Variants in PLB1 observed in about 807,000 individuals in gnomAD.
PLB1 encodes phospholipase B1.
Under a neutral mutation model 227.4 loss-of-function variants are expected in PLB1, and 242 were observed. That is an observed-to-expected ratio of 1.06 (90% CI 0.96 to 1.18). PLB1 has a LOEUF of 1.18. Among genes scored for constraint, PLB1 ranks in the 50% most tolerant of loss-of-function variants. PLB1 has a pLI of 0.00. For synonymous variants in PLB1, 757 were observed against 682.2 expected (o/e 1.11, Z -1.71); for missense variants, 1,858 against 1,816.3 (o/e 1.02, Z -0.42).
rs746205635 is a variant in PLB1, at chr2:28,549,412, C to CTTTTTTTTTTTTTT, written c.1008+490_1008+503dup. Among the ~76,000 whole-genome samples the CTTTTTTTTTTTTTT allele has an allele frequency of 2.0e-3, 177 of 87,298 alleles. 35 individuals carry two copies. The highest frequency in any genetic ancestry group is 6.4e-3 in the African/African-American group (140 of 21,878). 57.3% of individuals were successfully genotyped at this position (87,298 alleles called of 152,430 possible). A position where few individuals can be genotyped will look rare whatever the true frequency, so the allele number is the denominator to read the frequency against. ...TGGACATAAATGAATGAGATTCTTTCTTTTTTTTTTTTTTTTTTTTTTGAG... is the reference window on the plus strand; with the variant it reads ...TGGACATAAATGAATGAGATTCTTTCTTTTTTTTTTTTTTTTTTTTTTTTTTTTTTTTTTTTGAG... On this transcript the variant is annotated intron_variant, in intron 15 of 57. Transcript: ENST00000327757.
intron 6 of PLB1, 146 bp from the exon 7 acceptor site, chr2:28,529,171 T>G: frequency 1.6e-6 from 1 of 614,772 alleles, no homozygotes; most frequent in Admixed American, 2.9e-5. Context: ...TCTCAAACTC[T>G]TGGGCTCAAG....
Position 28,582,388 on chromosome 2 carries a change from A to C in PLB1, c.1633-17A>C. The C allele has an allele frequency of 6.2e-7, 1 of 1,607,406 alleles. No individual in the cohort carries two copies. The highest frequency in any genetic ancestry group is 1.1e-5 in the South Asian group (1 of 90,048). On this transcript the variant is annotated splice_polypyrimidine_tract_variant and intron_variant, in intron 24 of 57. Transcript: ENST00000327757. ...CCCAGCCTCATCCTCTTGGTGACTG[A>C]GTTTGCCTTTTCTCAGGTTCCTCGG...
At chr2:28,638,644 T>A (rs925735513) in intron 56 of PLB1, among the ~76,000 whole-genome samples, 2 of 151,524 alleles carry the variant, frequency 1.3e-5, no homozygotes, top group African/African-American at 4.9e-5. Flanking sequence ...AAAGGATGAC[T>A]TTTTGGTTTG....
At chr2:28,500,361 C>G (rs1179443607) in intron 1 of PLB1, among the ~76,000 whole-genome samples, 1 of 152,162 alleles carries the variant, frequency 6.6e-6, no homozygotes, top group African/African-American at 2.4e-5. Context: ...GGTGTGGCTG[C>G]CTGACTTTTT....
intron 49 of PLB1, among the ~76,000 whole-genome samples, chr2:28,622,492 A>G (rs934339913): frequency 6.6e-6 from 1 of 152,258 alleles, no homozygotes; most frequent in African/African-American, 2.4e-5. Context: ...CCATTTAATA[A>G]TGGATCTTCA....
intron 4 of PLB1, 132 bp downstream of exon 4, chr2:28,519,895 G>A (rs1001217909): frequency 1.6e-5 from 7 of 446,844 alleles, no homozygotes; most frequent in African/African-American, 1.4e-4. Flanking sequence ...AATCCAGGAG[G>A]TTGAATCTTT....
At chr2:28,584,520 C>A (rs1462783031) in intron 25 of PLB1, among the ~76,000 whole-genome samples, 1 of 152,226 alleles carries the variant, frequency 6.6e-6, no homozygotes, top group African/African-American at 2.4e-5. Flanking sequence ...AAGCCTCTTG[C>A]TACCCATCTT....
chr2:28,591,658 C>T (rs772864399), intron 30 of PLB1, 42 bp from the exon 31 acceptor site: 2 of 1,598,702 alleles, frequency 1.3e-6, no homozygotes, highest in Non-Finnish European at 1.7e-6. Flanking sequence ...TTTTCTGGTC[C>T]CTTTCAACCC....
chr2:28,621,851 GTTATTA>G (rs1253868875), intron 49 of PLB1, among the ~76,000 whole-genome samples: 1 of 145,794 alleles, frequency 6.9e-6, no homozygotes, highest in African/African-American at 2.5e-5. Flanking sequence ...TCTAATTACT[GTTATTA>G]TTGTTATTAT....
intron 1 of PLB1, among the ~76,000 whole-genome samples, chr2:28,511,567 C>T (rs1473215615): frequency 6.6e-6 from 1 of 152,140 alleles, no homozygotes; most frequent in Non-Finnish European, 1.5e-5. Context: ...TCAGGCTGAT[C>T]TTAATATTGG....
At chr2:28,635,072 T>C (rs1205189308) in intron 56 of PLB1, among the ~76,000 whole-genome samples, 1 of 152,190 alleles carries the variant, frequency 6.6e-6, no homozygotes, top group Non-Finnish European at 1.5e-5. Context: ...ACTGGAGCTA[T>C]TGTGGAAACA....
chr2:28,516,787 A>G (rs1191814659), intron 1 of PLB1, 21 bp from the exon 2 acceptor site: 1 of 1,607,022 alleles, frequency 6.2e-7, no homozygotes, highest in Non-Finnish European at 8.5e-7. Context: ...AATAACTTGA[A>G]CTATTTCTGC....
Position 28,541,806 on chromosome 2 carries a change from C to T in PLB1, c.874C>T (p.His292Tyr), listed in dbSNP as rs1672528395. 8 of 1,610,374 alleles carry T rather than the reference C, an allele frequency of 5.0e-6. No homozygotes were observed. The highest frequency in any genetic ancestry group is 4.5e-5 in the East Asian group (2 of 44,864). ...CTTCTATGAGACCACCCCATCTCTACACTCGGTAAGTGGGGGCTGCATGGC... is the reference window on the plus strand; with the variant it reads ...CTTCTATGAGACCACCCCATCTCTATACTCGGTAAGTGGGGGCTGCATGGC... ...PFFYETTPSLHSEDPRLQDST... is the reference protein window; with the variant it reads ...PFFYETTPSLYSEDPRLQDST... The change falls in exon 13 of 58, where the codon CAC (histidine) becomes TAC (tyrosine). Residue 292 changes from histidine (H) to tyrosine (Y), a missense_variant. Physicochemically the swap from His to Tyr is moderately conservative, Grantham distance 83 (BLOSUM62 2). Transcript: ENST00000327757.
chr2:28,504,452 C>A (rs1231080407), intron 1 of PLB1, among the ~76,000 whole-genome samples: 1 of 152,058 alleles, frequency 6.6e-6, no homozygotes, highest in Non-Finnish European at 1.5e-5. Context: ...AAAACATAGT[C>A]ATTGTAAGGG....
chr2:28,585,600 T>C, intron 25 of PLB1, 161 bp from the exon 26 acceptor site: 1 of 620,026 alleles, frequency 1.6e-6, no homozygotes, highest in Non-Finnish European at 2.9e-6. Context: ...TAGCTTCGTT[T>C]GGTATGGTCA....
At chr2:28,522,869 G>C (rs1156775313) in intron 4 of PLB1, among the ~76,000 whole-genome samples, 1 of 152,228 alleles carries the variant, frequency 6.6e-6, no homozygotes, top group East Asian at 1.9e-4. Context: ...CTAAGAGAGA[G>C]AGGGCCATCA....
chr2:28,624,466 A>G (rs890846196), intron 49 of PLB1, among the ~76,000 whole-genome samples: 1 of 152,028 alleles, frequency 6.6e-6, no homozygotes, highest in African/African-American at 2.4e-5. Context: ...GTATTGTTTT[A>G]TTTATGGCAG....
intron 50 of PLB1, among the ~76,000 whole-genome samples, chr2:28,625,908 G>A (rs55743531): frequency 1.5e-4 from 22 of 146,140 alleles, no homozygotes; most frequent in South Asian, 1.1e-3. Context: ...CCCCGCCAGC[G>A]CCCACCGCCA....
intron 43 of PLB1, among the ~76,000 whole-genome samples, chr2:28,608,582 T>C (rs1685007860): frequency 6.6e-6 from 1 of 152,208 alleles, no homozygotes; most frequent in South Asian, 2.1e-4. Flanking sequence ...TTGGACAAAT[T>C]CTTTTACAGA....
Sources: gnomAD v4.1 joint callset for allele counts (sites outside exome capture counted in the v4.1 genomes callset) on GRCh38, gnomAD v4.1.1 for gene constraint, MANE v1.5 for transcripts, NCBI Gene and HGNC (gene_info 2026-07-23, HGNC 2026-07-21) for gene names.